Variants in NTRK2 observed in about 807,000 individuals in gnomAD.
The protein encoded by NTRK2 is neurotrophic receptor tyrosine kinase 2.
A neutral mutation model predicts 94.5 loss-of-function variants in NTRK2; 13 were observed. That is an observed-to-expected ratio of 0.14 (90% CI 0.09 to 0.22). NTRK2 has a LOEUF of 0.22. Among genes scored for constraint, NTRK2 ranks in the 10% least tolerant of loss-of-function variants. The pLI is 1.00. For synonymous variants in NTRK2, 372 were observed against 407.4 expected, an observed-to-expected ratio of 0.91 and a Z score of 1.05; for missense variants, 639 against 1,071.2, an observed-to-expected ratio of 0.60 and a Z score of 5.63.
chr9:84,950,366 G>C (rs77547838), intron 16 of NTRK2, among the ~76,000 whole-genome samples: 1,922 of 152,336 alleles, frequency 0.013, 44 homozygotes, highest in African/African-American at 0.044. Context: ...CTTGGGGAAG[G>C]AAGGCAAGTG....
At position 84,871,799 on chromosome 9, in the gene NTRK2, T is replaced by C. The variant is rs748314121; in HGVS notation, c.1633+4368T>C. ...TCTACTTTATTGCAGGGCCCAGAGG[T>C]TCCCCCAAGACCGCCTGATAATAAT... is the stretch of plus-strand genomic sequence containing the variant. On this transcript the variant is annotated intron_variant, in intron 14 of 18. Transcript: ENST00000277120. The C allele has an allele frequency of 3.1e-6, 5 of 1,613,392 alleles. 1 individual carries two copies. The South Asian group carries it at 3.3e-5, about 11-fold the overall frequency.
intron 2 of NTRK2, among the ~76,000 whole-genome samples, chr9:84,682,599 G>A (rs181980075): frequency 1.3e-5 from 2 of 152,036 alleles, no homozygotes; most frequent in Admixed American, 1.3e-4. Context: ...ATTCGACCTC[G>A]AGAGCCCAGG....
At chr9:84,686,506 C>T (rs766243647) in intron 2 of NTRK2, among the ~76,000 whole-genome samples, 6 of 152,302 alleles carry the variant, frequency 3.9e-5, no homozygotes, top group South Asian at 2.1e-4. Context: ...GTTTTCCCTG[C>T]GACTGCATTT....
chr9:84,733,267 C>T (rs2063018573), intron 9 of NTRK2, among the ~76,000 whole-genome samples: 1 of 152,234 alleles, frequency 6.6e-6, no homozygotes, highest in African/African-American at 2.4e-5. Flanking sequence ...ATATCTTACA[C>T]TCTCAAGGTG....
intron 17 of NTRK2, among the ~76,000 whole-genome samples, chr9:84,967,975 T>G (rs752778606): frequency 1.3e-5 from 2 of 152,162 alleles, no homozygotes; most frequent in Non-Finnish European, 2.9e-5. Context: ...GGAAAACTCA[T>G]TAGACTTCAT....
At chr9:84,674,884 C>T (rs1374431936) in intron 2 of NTRK2, among the ~76,000 whole-genome samples, 4 of 152,284 alleles carry the variant, frequency 2.6e-5, no homozygotes, top group Non-Finnish European at 5.9e-5. Flanking sequence ...TCTTCCACCT[C>T]CCCTTCCATC....
intron 14 of NTRK2, among the ~76,000 whole-genome samples, chr9:84,930,178 G>C (rs1448938217): frequency 6.6e-6 from 1 of 152,230 alleles, no homozygotes; most frequent in Non-Finnish European, 1.5e-5. Context: ...CTTACTCTCA[G>C]GAAAAGTTAG....
chr9:84,985,249 G>A (rs1828151471), intron 17 of NTRK2, among the ~76,000 whole-genome samples: 4 of 152,154 alleles, frequency 2.6e-5, no homozygotes, highest in African/African-American at 7.2e-5. Flanking sequence ...TGCTCTTTCT[G>A]AAAACCCTAT....
intron 12 of NTRK2, among the ~76,000 whole-genome samples, chr9:84,791,312 A>G (rs1190270583): frequency 6.6e-6 from 1 of 152,136 alleles, no homozygotes; most frequent in African/African-American, 2.4e-5. Context: ...CTTTGCAATT[A>G]TATGTATAAT....
chr9:84,943,164 A>G (rs1365376982), intron 15 of NTRK2, among the ~76,000 whole-genome samples: 1 of 152,212 alleles, frequency 6.6e-6, no homozygotes, highest in Non-Finnish European at 1.5e-5. Flanking sequence ...GTACTTTTAA[A>G]AAGAACACAA....
intron 11 of NTRK2, among the ~76,000 whole-genome samples, chr9:84,747,236 C>T (rs1050605441): frequency 6.6e-6 from 1 of 152,116 alleles, no homozygotes; most frequent in Non-Finnish European, 1.5e-5. Context: ...CACAAACACA[C>T]ATGCTTCCGT....
chr9:84,838,603 A>T (rs1267813101), intron 12 of NTRK2, among the ~76,000 whole-genome samples: 1 of 152,170 alleles, frequency 6.6e-6, no homozygotes, highest in Non-Finnish European at 1.5e-5. Flanking sequence ...TTCTACAAAA[A>T]GCAAGCACAC....
rs373322117 is a variant in NTRK2, at chr9:84,846,266, T to C, written c.1397-14774T>C. On this transcript the variant is annotated intron_variant, in intron 12 of 18. Coordinates refer to ENST00000277120, the MANE Select transcript of NTRK2 (RefSeq NM_006180.6). ...TTTGAAAGTACATATTTTCGTATTATAGTTTCCAAAGGGATCTGAGAAATT... is the reference window on the plus strand; with the variant it reads ...TTTGAAAGTACATATTTTCGTATTACAGTTTCCAAAGGGATCTGAGAAATT... 4.6e-5 allele frequency among the ~76,000 whole-genome samples: 7 copies of C among 152,378 alleles called. No individual in the cohort carries two copies. The East Asian group carries it at 1.3e-3, about 29-fold the overall frequency.
intron 10 of NTRK2, among the ~76,000 whole-genome samples, chr9:84,744,150 G>T (rs1346937976): frequency 6.6e-6 from 1 of 151,966 alleles, no homozygotes; most frequent in Non-Finnish European, 1.5e-5. Context: ...AGTTTTCTGA[G>T]ACCTTTTATA....
intron 12 of NTRK2, among the ~76,000 whole-genome samples, chr9:84,858,139 C>G (rs1432731136): frequency 6.6e-6 from 1 of 152,082 alleles, no homozygotes; most frequent in African/African-American, 2.4e-5. Context: ...GCAGTCATCT[C>G]CTTTCTTTCA....
chr9:84,728,358 G>C (rs1475606481), intron 9 of NTRK2, among the ~76,000 whole-genome samples: 1 of 152,194 alleles, frequency 6.6e-6, no homozygotes, highest in Non-Finnish European at 1.5e-5. Context: ...AGAAGGTGAT[G>C]AGGAAATTAA....
chr9:84,753,465 T>G (rs1355430740), intron 12 of NTRK2, among the ~76,000 whole-genome samples: 1 of 152,190 alleles, frequency 6.6e-6, no homozygotes, highest in Non-Finnish European at 1.5e-5. Context: ...CTGATCCTGC[T>G]TGCCCTGGTT....
At position 84,919,339 on chromosome 9, in the gene NTRK2, T is replaced by C. The variant is rs2077492320; in HGVS notation, c.1634-14823T>C. Among the ~76,000 whole-genome samples, 2 of 152,218 alleles carry C rather than the reference T, an allele frequency of 1.3e-5. 1 individual carries two copies. Among genetic ancestry groups the C allele is most frequent in the South Asian group, 4.1e-4 (2 of 4,836 alleles). On this transcript the variant is annotated intron_variant, in intron 14 of 18. Transcript: ENST00000277120. ...TTTAGTCTAGTTTCTTGCAGTGATA[T>C]TAGTGTCTTATCTACAAAGCTTCAT...
intron 14 of NTRK2, among the ~76,000 whole-genome samples, chr9:84,931,306 C>G (rs1318201535): frequency 6.6e-6 from 1 of 151,862 alleles, no homozygotes; most frequent in Non-Finnish European, 1.5e-5. Flanking sequence ...ACTCAGGAGG[C>G]TGAGGCAGAA....
Sources: gnomAD v4.1 joint callset for allele counts (sites outside exome capture counted in the v4.1 genomes callset) on GRCh38, gnomAD v4.1.1 for gene constraint, MANE v1.5 for transcripts, NCBI Gene and HGNC (gene_info 2026-07-23, HGNC 2026-07-21) for gene names.